PARVA: variants seen among roughly 807,000 people sequenced by gnomAD.
PARVA encodes the protein alpha-parvin.
PARVA carries 25 observed loss-of-function variants against 52.6 expected under a neutral mutation model. That is an observed-to-expected ratio of 0.48 (90% CI 0.35 to 0.66). The LOEUF is 0.66. PARVA is among the 30% of genes least tolerant of loss of function. PARVA has a pLI of 0.01. For missense variants in PARVA, 373 were observed against 450.9 expected, an observed-to-expected ratio of 0.83 and a Z score of 1.56; for synonymous variants, 185 against 179.1, an observed-to-expected ratio of 1.03 and a Z score of -0.26.
chr11:12,434,076 A>C (rs1274675456), intron 1 of PARVA, among the ~76,000 whole-genome samples: 1 of 152,168 alleles, frequency 6.6e-6, no homozygotes, highest in Non-Finnish European at 1.5e-5. Context: ...CGCGAGCACT[A>C]TGTTCTACGT....
intron 4 of PARVA, among the ~76,000 whole-genome samples, chr11:12,494,310 C>G (rs1941270669): frequency 1.3e-5 from 2 of 152,194 alleles, no homozygotes. Context: ...CTCCAGCTTC[C>G]TTCCCCTTTC....
intron 1 of PARVA, among the ~76,000 whole-genome samples, chr11:12,458,726 C>A (rs74494903): frequency 0.023 from 3,445 of 152,250 alleles, 51 homozygotes; most frequent in African/African-American, 0.039. Flanking sequence ...TCACACCTCC[C>A]CTTTTCTGTC....
chr11:12,477,896 T>A lies in PARVA; in HGVS notation c.347T>A (p.Val116Glu), dbSNP rs763435438. The change falls in exon 4 of 13, where the codon GTG (valine) becomes GAG (glutamate). Residue 116 changes from valine (V) to glutamate (E), a missense_variant. Coordinates refer to ENST00000334956, the MANE Select transcript of PARVA (RefSeq NM_018222.5). ...NDVLVGERII[V>E]KDLAEDLYDG... ...GTGTTGGTTGGAGAAAGAATCATTG[T>A]GAAAGACCTAGCTGAAGATTTGTAT... 6.2e-6 allele frequency: 10 copies of A among 1,611,512 alleles called. No homozygotes were observed. The highest frequency in any genetic ancestry group is 7.6e-6 in the Non-Finnish European group (9 of 1,177,610).
intron 1 of PARVA, among the ~76,000 whole-genome samples, chr11:12,444,972 G>A (rs538934780): frequency 6.6e-6 from 1 of 152,178 alleles, no homozygotes; most frequent in African/African-American, 2.4e-5. Context: ...TAAAGAAGGG[G>A]CTGGCAAAGT....
At chr11:12,391,556 T>A (rs182210250) in intron 1 of PARVA, among the ~76,000 whole-genome samples, 120 of 152,322 alleles carry the variant, frequency 7.9e-4, no homozygotes, top group Middle Eastern at 3.4e-3. Context: ...TTTGTGCAGG[T>A]TGGTATCAAT....
intron 1 of PARVA, among the ~76,000 whole-genome samples, chr11:12,444,101 C>A (rs1940510571): frequency 6.6e-6 from 1 of 152,106 alleles, no homozygotes; most frequent in African/African-American, 2.4e-5. Flanking sequence ...ACCCCCTAAC[C>A]CCCCAGCATC....
intron 1 of PARVA, among the ~76,000 whole-genome samples, chr11:12,411,335 G>T (rs59532031): frequency 0.016 from 2,379 of 152,232 alleles, 62 homozygotes; most frequent in African/African-American, 0.054. Context: ...AGTTCCCATA[G>T]GCCCTGTACC....
chr11:12,501,086 C>A (rs145297735), intron 5 of PARVA, among the ~76,000 whole-genome samples: 49 of 148,570 alleles, frequency 3.3e-4, no homozygotes, highest in Admixed American at 3.3e-3. Flanking sequence ...CCAACCTGGG[C>A]GACGAGCAAA....
chr11:12,446,019 G>T (rs890891371), intron 1 of PARVA, among the ~76,000 whole-genome samples: 1 of 149,774 alleles, frequency 6.7e-6, no homozygotes, highest in African/African-American at 2.4e-5. Flanking sequence ...TCAGTGACAA[G>T]TTTGACGGGT....
In PARVA at chr11:12,527,972, G is replaced by T. The variant is rs371607200; in HGVS notation, c.*47G>T. The T allele has an allele frequency of 1.5e-6, 2 of 1,358,792 alleles. No homozygotes were observed. Among genetic ancestry groups the T allele is most frequent in the South Asian group, 2.3e-5 (2 of 85,938 alleles). The allele number at this position is 1,358,792 out of a possible 1,614,324, so 84.2% of individuals were successfully genotyped here. On this transcript the variant is annotated 3_prime_UTR_variant, in exon 13 of 13. Coordinates refer to ENST00000334956, the MANE Select transcript of PARVA (RefSeq NM_018222.5). ...CTGCCCAAGAGTTCTTGCTGTTGGCGTACTGGACCCTCCTCCGAACTGCCT... is the reference window on the plus strand; with the variant it reads ...CTGCCCAAGAGTTCTTGCTGTTGGCTTACTGGACCCTCCTCCGAACTGCCT...
At chr11:12,377,493 C>T, upstream of PARVA, 2 of 1,405,834 alleles carry the variant, frequency 1.4e-6, no homozygotes, top group Admixed American at 3.0e-5. Flanking sequence ...AGGGAGGGAG[C>T]GAGGGAAGGG....
At chr11:12,477,614 G>A (rs1477824154) in intron 3 of PARVA, among the ~76,000 whole-genome samples, 11 of 152,098 alleles carry the variant, frequency 7.2e-5, no homozygotes, top group Non-Finnish European at 1.5e-4. Context: ...AGGGCACAAT[G>A]GAACACTCCC....
chr11:12,513,830 T>C, intron 9 of PARVA, 167 bp from the exon 10 acceptor site: 1 of 633,360 alleles, frequency 1.6e-6, no homozygotes, highest in South Asian at 1.9e-5. Context: ...GCCCTCCCTG[T>C]GCACTCAATG....
chr11:12,425,741 ATTTC>A (rs759261603), intron 1 of PARVA, among the ~76,000 whole-genome samples: 2 of 152,126 alleles, frequency 1.3e-5, no homozygotes, highest in African/African-American at 2.4e-5. Flanking sequence ...GAAGTCTTCT[ATTTC>A]TTTTGTTTAG....
At chr11:12,459,277 T>C (rs1233817213) in intron 1 of PARVA, among the ~76,000 whole-genome samples, 2 of 151,916 alleles carry the variant, frequency 1.3e-5, no homozygotes, top group East Asian at 3.9e-4. Flanking sequence ...TGGTGGAATA[T>C]GCCTATAGTC....
rs976515989 is a variant in PARVA at position 12,528,569 on chromosome 11, A to G, written c.*644A>G. On this transcript the variant is annotated 3_prime_UTR_variant, in exon 13 of 13. Transcript: ENST00000334956. The stretch of plus-strand genomic sequence containing the variant: ...CAGTACAACATGTTTATAACAAGCC[A>G]ATTACATTATGTTCTTTGCATGTTC... 2.0e-5 allele frequency: 3 copies of G among 152,664 alleles called. No individual in the cohort carries two copies. The highest frequency in any genetic ancestry group is 7.2e-5 in the African/African-American group (3 of 41,432). 9.5% of individuals were successfully genotyped at this position (152,664 alleles called of 1,614,324 possible).
chr11:12,421,128 A>G (rs1169721827), intron 1 of PARVA, among the ~76,000 whole-genome samples: 2 of 151,216 alleles, frequency 1.3e-5, no homozygotes, highest in African/African-American at 4.9e-5. Context: ...ATTGCTAGGC[A>G]TGAGATGGAC....
chr11:12,385,630 T>C (rs929562330), intron 1 of PARVA, among the ~76,000 whole-genome samples: 4 of 152,230 alleles, frequency 2.6e-5, no homozygotes, highest in Non-Finnish European at 4.4e-5. Context: ...ATGAGACCTA[T>C]GACCTGGTTT....
At chr11:12,475,040 CAG>C (rs1940990171) in intron 3 of PARVA, among the ~76,000 whole-genome samples, 1 of 152,134 alleles carries the variant, frequency 6.6e-6, no homozygotes, top group African/African-American at 2.4e-5. Context: ...CAAGACCTCT[CAG>C]AGTTTCTCAT....
Sources: gnomAD v4.1 joint callset for allele counts (sites outside exome capture counted in the v4.1 genomes callset) on GRCh38, gnomAD v4.1.1 for gene constraint, MANE v1.5 for transcripts, NCBI Gene and HGNC (gene_info 2026-07-23, HGNC 2026-07-21) for gene names.